Variants in PIK3CG observed in about 807,000 individuals in gnomAD.
The protein encoded by PIK3CG is phosphatidylinositol 4,5-bisphosphate 3-kinase catalytic subunit gamma isoform.
Under a neutral mutation model 102.3 loss-of-function variants are expected in PIK3CG, and 55 were observed. The ratio of observed to expected loss-of-function variants is 0.54; its 90% confidence interval spans 0.43 to 0.67. The LOEUF is 0.67. PIK3CG is among the 30% of genes least tolerant of loss of function. The pLI is 0.00. For synonymous variants in PIK3CG, 552 were observed against 540.0 expected, an observed-to-expected ratio of 1.02 and a Z score of -0.31; for missense variants, 1,258 against 1,391.8, an observed-to-expected ratio of 0.90 and a Z score of 1.53.
intron 10 of PIK3CG, among the ~76,000 whole-genome samples, chr7:106,888,224 C>A (rs1019859616): frequency 1.3e-5 from 2 of 152,064 alleles, no homozygotes; most frequent in Non-Finnish European, 2.9e-5. Context: ...CAGGCGTGAG[C>A]CACTGTGCCC....
At chr7:106,871,513 C>A (rs984252472) in intron 2 of PIK3CG, among the ~76,000 whole-genome samples, 8 of 152,142 alleles carry the variant, frequency 5.3e-5, no homozygotes, top group Admixed American at 4.6e-4. Flanking sequence ...AAAATATAAA[C>A]TAGAATGTGA....
chr7:106,884,131 A>G lies in PIK3CG; in HGVS notation c.2761-24A>G, dbSNP rs1174155319. 2 of 1,483,494 alleles carry G rather than the reference A, an allele frequency of 1.3e-6. No homozygotes were observed. The highest frequency in any genetic ancestry group is 2.8e-5 in the African/African-American group (2 of 72,342). The allele number at this position is 1,483,494 out of a possible 1,614,324, so 91.9% of individuals were successfully genotyped here. A position where few individuals can be genotyped will look rare whatever the true frequency, so the allele number is the denominator to read the frequency against. ...TGCTTTTTGTAGTTAGAAGACAACTAATATTCAAATGCATTTTAATTAGTT... is the reference window on the plus strand; with the variant it reads ...TGCTTTTTGTAGTTAGAAGACAACTGATATTCAAATGCATTTTAATTAGTT... On this transcript the variant is annotated intron_variant, in intron 8 of 10. Transcript: ENST00000496166. This position sits in a 1 kb window ranked among gnomAD's most constrained non-coding sequence, Gnocchi z 4.2.
chr7:106,875,885 C>T (rs1004566039), intron 5 of PIK3CG, among the ~76,000 whole-genome samples: 1 of 147,554 alleles, frequency 6.8e-6, no homozygotes, highest in African/African-American at 2.5e-5. Context: ...CTAGCAAGCA[C>T]TTGTTATCAT....
At chr7:106,875,223 G>A (rs1274718722) in intron 5 of PIK3CG, among the ~76,000 whole-genome samples, 1 of 151,992 alleles carries the variant, frequency 6.6e-6, no homozygotes, top group African/African-American at 2.4e-5. Flanking sequence ...GCATGGTGGT[G>A]CATTCCTGTA....
In PIK3CG at chr7:106,907,737, T is replaced by G; in HGVS notation, c.*2350T>G. ...TCATTTCATTATGCTAATATATATA[T>G]ATAACATATATATGCTAATATATAT... On this transcript the variant is annotated 3_prime_UTR_variant, in exon 11 of 11. Transcript: ENST00000496166. Among the ~76,000 whole-genome samples the G allele has an allele frequency of 6.9e-6, 1 of 144,272 alleles. No homozygotes were observed. Among genetic ancestry groups the G allele is most frequent in the Non-Finnish European group, 1.5e-5 (1 of 65,400 alleles). 94.6% of individuals were successfully genotyped at this position (144,272 alleles called of 152,430 possible). A position where few individuals can be genotyped will look rare whatever the true frequency, so the allele number is the denominator to read the frequency against.
intron 10 of PIK3CG, among the ~76,000 whole-genome samples, chr7:106,901,827 G>A (rs1323047754): frequency 2.0e-5 from 3 of 152,182 alleles, no homozygotes; most frequent in Non-Finnish European, 4.4e-5. Flanking sequence ...AGGTATGTTA[G>A]TGAGGTATTT....
At position 106,906,521 on chromosome 7, in the gene PIK3CG, A is replaced by G. The variant is rs548379097; in HGVS notation, c.*1134A>G. On this transcript the variant is annotated 3_prime_UTR_variant, in exon 11 of 11. Coordinates refer to ENST00000496166, the MANE Select transcript of PIK3CG (RefSeq NM_001282426.2). ...AGGAAGAACACTACTTGCCTTATCC[A>G]TTTCCCATTTAAAGGACTTTTAAAC... 4 of 230,480 alleles carry G rather than the reference A, an allele frequency of 1.7e-5. No homozygotes were observed. Among genetic ancestry groups the G allele is most frequent in the Non-Finnish European group, 3.4e-5 (4 of 116,418 alleles). The allele number at this position is 230,480 out of a possible 1,614,324, so 14.3% of individuals were successfully genotyped here.
chr7:106,884,175 A>C lies in PIK3CG; in HGVS notation c.2781A>C (p.Arg927Ser). The part of the protein sequence containing the change: ...TEEKFQAAVE[R>S]FVYSCAGYCV... ...ATTAGTTTCAGGCAGCAGTGGAGAG[A>C]TTTGTTTATTCCTGTGCAGGCTACT... Residue 927 changes from arginine to serine, a missense_variant, in exon 9 of 11, where the codon AGA becomes AGC. Transcript: ENST00000496166. The surrounding 1 kb of genome is among the most constrained non-coding windows in gnomAD (Gnocchi z 4.2). The C allele has an allele frequency of 6.2e-7, 1 of 1,613,284 alleles. No homozygotes were observed. Among genetic ancestry groups the C allele is most frequent in the Non-Finnish European group, 8.5e-7 (1 of 1,179,464 alleles).
At position 106,892,729 on chromosome 7, in the gene PIK3CG, G is replaced by A. The variant is rs1750721984; in HGVS notation, c.3030+6437G>A. On this transcript the variant is annotated intron_variant, in intron 10 of 10. Transcript: ENST00000496166. The surrounding 1 kb of genome is among the most constrained non-coding windows in gnomAD (Gnocchi z 5.2). ...GTGTCCACAGTGGTTTGCAGAGGGA[G>A]CAATTAATCCTGCCCTAGAGGATAG... is the stretch of plus-strand genomic sequence containing the variant. 6.6e-6 allele frequency among the ~76,000 whole-genome samples: 1 copy of A among 152,162 alleles called. No homozygotes were observed. Among genetic ancestry groups the A allele is most frequent in the South Asian group, 2.1e-4 (1 of 4,832 alleles).
intron 2 of PIK3CG, among the ~76,000 whole-genome samples, chr7:106,870,483 G>A (rs1458799466): frequency 6.6e-6 from 1 of 152,178 alleles, no homozygotes; most frequent in Non-Finnish European, 1.5e-5. Flanking sequence ...TCAACAACAT[G>A]TACTGAGAAG....
intron 10 of PIK3CG, among the ~76,000 whole-genome samples, chr7:106,904,037 A>G (rs1791628168): frequency 6.6e-6 from 1 of 152,190 alleles, no homozygotes; most frequent in South Asian, 2.1e-4. Flanking sequence ...CTAGGATTAC[A>G]GGTGTGAGCC....
chr7:106,882,708 T>G (rs1790975780), intron 7 of PIK3CG: 1 of 219,538 alleles, frequency 4.6e-6, no homozygotes. Flanking sequence ...CCCTGTAATT[T>G]AAAAAAGGAA....
chr7:106,885,783 T>G (rs1791069207), intron 9 of PIK3CG, among the ~76,000 whole-genome samples: 1 of 152,092 alleles, frequency 6.6e-6, no homozygotes, highest in Admixed American at 6.5e-5. Flanking sequence ...GAAACATCAG[T>G]CTATCCTGAG....
rs1383953399 is a variant in PIK3CG at position 106,874,703 on chromosome 7, T to C, written c.2291T>C (p.Ile764Thr). 4 of 1,605,160 alleles carry C rather than the reference T, an allele frequency of 2.5e-6. No homozygotes were observed. The East Asian group carries it at 6.7e-5, about 27-fold the overall frequency. The change falls in exon 5 of 11, where the codon ATT (isoleucine) becomes ACT (threonine). Residue 764 changes from isoleucine to threonine, a missense_variant. Transcript: ENST00000496166. This position sits in a 1 kb window ranked among gnomAD's most constrained non-coding sequence, Gnocchi z 4.3. ...TGTGTACTTTTGACAATTACAGTTA[T>C]TTCACAACTTAAACAAAAGCTTGAA... ...AEKYDVSSQV[I>T]SQLKQKLENL...
chr7:106,882,928 A>C, intron 7 of PIK3CG, 105 bp from the exon 8 acceptor site: 1 of 949,944 alleles, frequency 1.1e-6, no homozygotes, highest in South Asian at 2.0e-5. Flanking sequence ...AAAAAAAAAA[A>C]AAAAAAAAAC....
rs541976467 is a variant in PIK3CG at position 106,894,855 on chromosome 7, G to T, written c.3030+8563G>T. Among the ~76,000 whole-genome samples the T allele has an allele frequency of 4.9e-4, 74 of 152,268 alleles. No individual in the cohort carries two copies. The South Asian group carries it at 0.015, about 30-fold the overall frequency. ...AGTAGATTGTATATAAAAGTAGTTT[G>T]TTTTCAGTTTAGTGAACTGATAGTT... On this transcript the variant is annotated intron_variant, in intron 10 of 10. Transcript: ENST00000496166. This position sits in a 1 kb window ranked among gnomAD's most constrained non-coding sequence, Gnocchi z 4.4.
intron 10 of PIK3CG, among the ~76,000 whole-genome samples, chr7:106,886,735 C>T (rs1369098169): frequency 3.9e-5 from 6 of 152,178 alleles, no homozygotes; most frequent in African/African-American, 9.7e-5. Flanking sequence ...GGTGAATTCT[C>T]GATGTGCCAA....
At position 106,903,482 on chromosome 7, in the gene PIK3CG, T is replaced by G. The variant is rs899763531; in HGVS notation, c.3031-1627T>G. 6.6e-6 allele frequency among the ~76,000 whole-genome samples: 1 copy of G among 151,840 alleles called. No individual in the cohort carries two copies. The highest frequency in any genetic ancestry group is 1.5e-5 in the Non-Finnish European group (1 of 67,938). ...TATAATTTTTTAAGAGTATAAAAAT[T>G]ATAAATTATAAAAATTATAAAAGCA... On this transcript the variant is annotated intron_variant, in intron 10 of 10. Transcript: ENST00000496166. This position sits in a 1 kb window ranked among gnomAD's most constrained non-coding sequence, Gnocchi z 4.3.
At chr7:106,889,498 C>T (rs919643458) in intron 10 of PIK3CG, among the ~76,000 whole-genome samples, 1 of 152,156 alleles carries the variant, frequency 6.6e-6, no homozygotes, top group Non-Finnish European at 1.5e-5. Flanking sequence ...ATAATAAAGG[C>T]TGCCATTTTT....
Sources: allele counts gnomAD v4.1 joint callset (sites outside exome capture counted in the v4.1 genomes callset), GRCh38; gene constraint gnomAD v4.1.1; non-coding constraint Gnocchi (gnomAD v3.1); transcripts MANE v1.5; gene names NCBI Gene and HGNC (gene_info 2026-07-23, HGNC 2026-07-21).